Variants in LMNB1 observed in about 807,000 individuals in gnomAD.
The protein encoded by LMNB1 is lamin-B1.
In LMNB1, 23 loss-of-function variants were observed where a neutral mutation model predicts 67.1. The ratio of observed to expected loss-of-function variants is 0.34; its 90% CI spans 0.25 to 0.49. LMNB1 has a LOEUF of 0.49. LMNB1 is among the 20% of genes least tolerant of loss of function. The pLI is 0.99. For synonymous variants in LMNB1, 281 were observed against 282.9 expected (o/e 0.99, Z 0.07); for missense variants, 634 against 746.5 (o/e 0.85, Z 1.76).
chr5:126,785,745 G>A (rs1050087721), intron 1 of LMNB1, among the ~76,000 whole-genome samples: 1 of 151,700 alleles, frequency 6.6e-6, no homozygotes, highest in African/African-American at 2.4e-5. Flanking sequence ...TGGGACCAGC[G>A]GCTCATGCCT....
At chr5:126,788,561 T>A (rs1750868330) in intron 1 of LMNB1, among the ~76,000 whole-genome samples, 1 of 152,062 alleles carries the variant, frequency 6.6e-6, no homozygotes, top group Non-Finnish European at 1.5e-5. Context: ...CACTTGAACC[T>A]GGGAGGCGGA....
rs929913394 is a variant in LMNB1 at position 126,789,818 on chromosome 5, C to T, written c.359+11951C>T. Among the ~76,000 whole-genome samples the T allele has an allele frequency of 2.3e-4, 35 of 152,112 alleles. 1 individual carries two copies. Among genetic ancestry groups the T allele is most frequent in the Admixed American group, 9.2e-4 (14 of 15,252 alleles). On this transcript the variant is annotated intron_variant, in intron 1 of 10. Coordinates refer to ENST00000261366, the MANE Select transcript of LMNB1 (RefSeq NM_005573.4). ...CCTCCTGAGTAGCTGGGACTACAGG[C>T]ACCTACCAACGAGCCCGACTAATTT... is the stretch of plus-strand genomic sequence containing the variant.
At chr5:126,796,792 T>C (rs1261598099) in intron 1 of LMNB1, among the ~76,000 whole-genome samples, 1 of 146,606 alleles carries the variant, frequency 6.8e-6, no homozygotes, top group Non-Finnish European at 1.5e-5. Context: ...CTTTCTTTTT[T>C]TTTTTTTTTT....
intron 5 of LMNB1, among the ~76,000 whole-genome samples, chr5:126,812,663 C>T (rs1751606225): frequency 6.6e-6 from 1 of 151,758 alleles, no homozygotes; most frequent in Non-Finnish European, 1.5e-5. Flanking sequence ...TTCTATTTTC[C>T]TCAAGGGAGG....
intron 1 of LMNB1, among the ~76,000 whole-genome samples, chr5:126,785,979 A>C (rs1042615827): frequency 4.6e-5 from 7 of 151,008 alleles, no homozygotes; most frequent in African/African-American, 1.5e-4. Flanking sequence ...GTGCCACTGC[A>C]CTCCAGCCTG....
intron 1 of LMNB1, among the ~76,000 whole-genome samples, chr5:126,790,034 C>A (rs542407478): frequency 1.3e-5 from 2 of 151,866 alleles, no homozygotes; most frequent in African/African-American, 4.8e-5. Flanking sequence ...GAACTCCCGA[C>A]CTCAGATGAT....
intron 1 of LMNB1, among the ~76,000 whole-genome samples, chr5:126,792,857 TGA>T (rs1308152521): frequency 6.6e-6 from 1 of 152,162 alleles, no homozygotes; most frequent in East Asian, 1.9e-4. Context: ...ATTACAGGCA[TGA>T]GCCACCGCGC....
rs1028919100 is a variant in LMNB1, at chr5:126,821,069, A to G, written c.1320A>G (p.Gly440=). The G allele has an allele frequency of 6.2e-7, 1 of 1,614,038 alleles. No individual in the cohort carries two copies. The highest frequency in any genetic ancestry group is 8.5e-7 in the Non-Finnish European group (1 of 1,179,992). ...TCTCTCATTCCGCCTCAGCCACTGG[A>G]AATGTTTGCATCGAAGAAATTGATG... ...VSISHSASAT[G]NVCIEEIDVD... The change falls in exon 7 of 11, where the codon GGA becomes GGG. Residue 440 remains glycine (G), a synonymous_variant. Transcript: ENST00000261366.
intron 10 of LMNB1, among the ~76,000 whole-genome samples, chr5:126,834,371 A>AAT (rs958931233): frequency 2.0e-5 from 3 of 150,960 alleles, no homozygotes; most frequent in African/African-American, 7.4e-5. Flanking sequence ...ACGCCTGGCT[A>AAT]ATTTTTTATA....
chr5:126,816,024 A>G (rs1250914988), intron 5 of LMNB1, among the ~76,000 whole-genome samples: 4 of 152,048 alleles, frequency 2.6e-5, no homozygotes, highest in African/African-American at 7.2e-5. Flanking sequence ...TTTAGATTCT[A>G]CCTTTTTGCC....
chr5:126,784,145 C>T (rs1485246543), intron 1 of LMNB1, among the ~76,000 whole-genome samples: 1 of 149,392 alleles, frequency 6.7e-6, no homozygotes, highest in East Asian at 2.0e-4. Flanking sequence ...CTGCCTCAGC[C>T]TCCCAAGTAG....
In LMNB1 at chr5:126,821,148, A is replaced by G; in HGVS notation, c.1386+13A>G. On this transcript the variant is annotated intron_variant, in intron 7 of 10. Transcript: ENST00000261366. ...CACTTCTGAACAGGTAATAAAATAG[A>G]CCCTTTTTTTTCTAGCAAGGCTTTG... 3 of 1,560,724 alleles carry G rather than the reference A, an allele frequency of 1.9e-6. No homozygotes were observed. Among genetic ancestry groups the G allele is most frequent in the Non-Finnish European group, 2.6e-6 (3 of 1,132,208 alleles).
chr5:126,783,570 C>T (rs879804227), intron 1 of LMNB1, among the ~76,000 whole-genome samples: 1 of 152,128 alleles, frequency 6.6e-6, no homozygotes, highest in Non-Finnish European at 1.5e-5. Context: ...ACATTTCCTT[C>T]CCATGCTTTC....
intron 1 of LMNB1, among the ~76,000 whole-genome samples, chr5:126,792,423 C>T (rs1350733355): frequency 1.3e-5 from 2 of 152,116 alleles, no homozygotes; most frequent in African/African-American, 4.8e-5. Flanking sequence ...AGGCGTGAGC[C>T]ACTGTGCCTG....
At chr5:126,799,312 G>A (rs956770137) in intron 1 of LMNB1, among the ~76,000 whole-genome samples, 7 of 152,164 alleles carry the variant, frequency 4.6e-5, no homozygotes, top group Non-Finnish European at 2.9e-5. Flanking sequence ...GCGCCCGGCC[G>A]CGATGCATTG....
chr5:126,815,915 A>G (rs1751693361), intron 5 of LMNB1, among the ~76,000 whole-genome samples: 1 of 152,208 alleles, frequency 6.6e-6, no homozygotes, highest in South Asian at 2.1e-4. Context: ...AGAGCTCTAC[A>G]ACATCAAAGG....
chr5:126,813,779 CT>C (rs1269106741), intron 5 of LMNB1, among the ~76,000 whole-genome samples: 1 of 152,180 alleles, frequency 6.6e-6, no homozygotes, highest in Non-Finnish European at 1.5e-5. Context: ...CTCTCATGAT[CT>C]AATTACCACT....
rs11430160 is a variant in LMNB1 at position 126,812,718 on chromosome 5, C to CTT, written c.939+843_939+844dup. Among the ~76,000 whole-genome samples the CTT allele has an allele frequency of 4.6e-3, 535 of 117,110 alleles. 32 individuals are homozygous for CTT. The highest frequency in any genetic ancestry group is 0.017 in the African/African-American group (500 of 29,388). The allele number at this position is 117,110 out of a possible 152,430, so 76.8% of individuals were successfully genotyped here. ...CCACATGAGAATAAACTTTATTTTACTTTTTTTTTTTTTTTTTTTTTTTTC... is the reference window on the plus strand; with the variant it reads ...CCACATGAGAATAAACTTTATTTTACTTTTTTTTTTTTTTTTTTTTTTTTTTC... On this transcript the variant is annotated intron_variant, in intron 5 of 10. Transcript: ENST00000261366.
intron 1 of LMNB1, among the ~76,000 whole-genome samples, chr5:126,782,845 G>C (rs1750666209): frequency 6.6e-6 from 1 of 152,012 alleles, no homozygotes; most frequent in Non-Finnish European, 1.5e-5. Context: ...ACTGTGCCTG[G>C]TCAAAAACAT....
Sources: allele counts gnomAD v4.1 joint callset (sites outside exome capture counted in the v4.1 genomes callset), GRCh38; gene constraint gnomAD v4.1.1; transcripts MANE v1.5; gene names NCBI Gene and HGNC (gene_info 2026-07-23, HGNC 2026-07-21).